Variants in MAGI1 observed in about 807,000 individuals in gnomAD.
MAGI1 encodes membrane-associated guanylate kinase, WW and PDZ domain-containing protein 1.
MAGI1 carries 58 observed loss-of-function variants against 139.9 expected under a neutral mutation model. The ratio of observed to expected loss-of-function variants is 0.41; its 90% confidence interval spans 0.34 to 0.52. The LOEUF is 0.52. Ranked by LOEUF, MAGI1 falls within the 20% of genes least tolerant of loss-of-function variation. The probability of loss-of-function intolerance (pLI) is 0.12; values close to 1 mark genes in which losing one functional copy is unlikely to be tolerated. For synonymous variants in MAGI1, 812 were observed against 737.9 expected, an observed-to-expected ratio of 1.10 and a Z score of -1.63; for missense variants, 1,874 against 1,901.6, an observed-to-expected ratio of 0.99 and a Z score of 0.27.
chr3:65,534,065 G>A (rs914950092), intron 2 of MAGI1, among the ~76,000 whole-genome samples: 6 of 152,178 alleles, frequency 3.9e-5, no homozygotes, highest in Admixed American at 2.0e-4. Flanking sequence ...AACTACCTAA[G>A]CCAGATTATG....
chr3:65,982,701 G>A (rs977897753), intron 1 of MAGI1, among the ~76,000 whole-genome samples: 4 of 151,978 alleles, frequency 2.6e-5, no homozygotes, highest in Admixed American at 6.6e-5. Context: ...GTGTAACATC[G>A]TAATGATTGT....
intron 12 of MAGI1, among the ~76,000 whole-genome samples, chr3:65,410,249 A>C (rs1945683860): frequency 6.6e-6 from 1 of 152,202 alleles, no homozygotes; most frequent in East Asian, 1.9e-4. Context: ...TAAAGGTTGA[A>C]AGCTTAGTGC....
At chr3:65,702,959 C>T (rs1237222248) in intron 1 of MAGI1, among the ~76,000 whole-genome samples, 1 of 151,876 alleles carries the variant, frequency 6.6e-6, no homozygotes, top group Non-Finnish European at 1.5e-5. Flanking sequence ...AGGACTACCC[C>T]CTGCTGAGAA....
At chr3:65,710,376 G>C (rs1191890495) in intron 1 of MAGI1, among the ~76,000 whole-genome samples, 1 of 146,386 alleles carries the variant, frequency 6.8e-6, no homozygotes, top group South Asian at 2.1e-4. Context: ...CGCCTCCCAG[G>C]TTCAAGCAAT....
rs377372246 is a variant in MAGI1, at chr3:65,695,823, G to C, written c.314-73735C>G. ...GTCCCAGTCAACATCCAGGACACTGGGAAAGGCCTCTGTGGTTGATTTGTG... is the reference window on the plus strand; with the variant it reads ...GTCCCAGTCAACATCCAGGACACTGCGAAAGGCCTCTGTGGTTGATTTGTG... On this transcript the variant is annotated intron_variant, in intron 1 of 22. Coordinates refer to ENST00000402939, the MANE Select transcript of MAGI1 (RefSeq NM_001033057.2). Among the ~76,000 whole-genome samples the C allele has an allele frequency of 1.4e-4, 21 of 152,288 alleles. No homozygotes were observed. The South Asian group carries it at 4.2e-3, about 30-fold the overall frequency.
chr3:65,714,165 G>A (rs964920684), intron 1 of MAGI1, among the ~76,000 whole-genome samples: 5 of 152,234 alleles, frequency 3.3e-5, no homozygotes, highest in Admixed American at 3.3e-4. Context: ...ATACACAGAC[G>A]TTCCGTAACT....
chr3:65,711,813 C>G (rs1416117487), intron 1 of MAGI1, among the ~76,000 whole-genome samples: 1 of 152,180 alleles, frequency 6.6e-6, no homozygotes, highest in Non-Finnish European at 1.5e-5. Context: ...TCTGGGACTT[C>G]TAGCCTCCAG....
At chr3:65,995,910 A>C (rs13317005) in intron 1 of MAGI1, among the ~76,000 whole-genome samples, 1,722 of 152,156 alleles carry the variant, frequency 0.011, 31 homozygotes, top group African/African-American at 0.039. Flanking sequence ...AGGCAGGAGG[A>C]TCTCTTGAGC....
At chr3:65,489,163 G>T (rs1951821998) in intron 3 of MAGI1, among the ~76,000 whole-genome samples, 2 of 152,088 alleles carry the variant, frequency 1.3e-5, no homozygotes, top group African/African-American at 4.8e-5. Context: ...TACCTCATAG[G>T]CTTGTTAGGA....
intron 1 of MAGI1, among the ~76,000 whole-genome samples, chr3:65,919,943 T>C (rs2062094184): frequency 6.6e-6 from 1 of 152,178 alleles, no homozygotes; most frequent in Non-Finnish European, 1.5e-5. Flanking sequence ...CAACTTAAGA[T>C]TCCTGGAAAC....
At chr3:66,003,198 G>A (rs181743800) in intron 1 of MAGI1, among the ~76,000 whole-genome samples, 30 of 152,216 alleles carry the variant, frequency 2.0e-4, no homozygotes, top group Admixed American at 2.0e-3. Context: ...CAGAGTCACA[G>A]GGGCAGCCAT....
chr3:65,485,756 G>C (rs1192631492), intron 3 of MAGI1, among the ~76,000 whole-genome samples: 2 of 152,124 alleles, frequency 1.3e-5, no homozygotes, highest in African/African-American at 4.8e-5. Context: ...AGAAAAAAAG[G>C]CATCAATATT....
chr3:65,516,064 G>T (rs1330698650), intron 2 of MAGI1, among the ~76,000 whole-genome samples: 1 of 152,172 alleles, frequency 6.6e-6, no homozygotes, highest in African/African-American at 2.4e-5. Context: ...AATAAGCTGG[G>T]TGCAGTGGCA....
rs1225140249 is a variant in MAGI1, at chr3:65,991,318, A to AT, written c.313+46677_313+46678insA. Among the ~76,000 whole-genome samples, 1,287 of 151,664 alleles carry AT rather than the reference A, an allele frequency of 8.5e-3. 13 individuals are homozygous for AT. The highest frequency in any genetic ancestry group is 0.024 in the Middle Eastern group (7 of 294). Reference sequence around the variant, plus strand: ...AAAAAAAAAAAAGGTAAAAAAAAAAAAAAAAGAAAGTTAATGATACTGTAA... The same window carrying AT: ...AAAAAAAAAAAAGGTAAAAAAAAAAATAAAAAGAAAGTTAATGATACTGTAA... On this transcript the variant is annotated intron_variant, in intron 1 of 22. Coordinates refer to ENST00000402939, the MANE Select transcript of MAGI1 (RefSeq NM_001033057.2).
At chr3:65,952,441 A>G (rs1406309436) in intron 1 of MAGI1, among the ~76,000 whole-genome samples, 1 of 152,204 alleles carries the variant, frequency 6.6e-6, no homozygotes, top group Non-Finnish European at 1.5e-5. Flanking sequence ...AAAAGAAAAG[A>G]GCACCTTAAC....
At chr3:65,494,564 C>A (rs60869248) in intron 2 of MAGI1, among the ~76,000 whole-genome samples, 46,366 of 152,152 alleles carry the variant, frequency 0.3, 8,659 homozygotes, top group East Asian at 0.73. Context: ...AAAAATGTGA[C>A]TTCTGCTGTT....
At chr3:65,603,447 T>G (rs1475169996) in intron 2 of MAGI1, among the ~76,000 whole-genome samples, 1 of 152,208 alleles carries the variant, frequency 6.6e-6, no homozygotes, top group Non-Finnish European at 1.5e-5. Context: ...TAATAAAAAT[T>G]TGACAATTAT....
intron 13 of MAGI1, among the ~76,000 whole-genome samples, chr3:65,393,258 T>C (rs760734156): frequency 4.6e-5 from 7 of 152,184 alleles, no homozygotes; most frequent in African/African-American, 1.4e-4. Flanking sequence ...GTTGCTTTTT[T>C]TCCCCCCCTC....
intron 2 of MAGI1, among the ~76,000 whole-genome samples, chr3:65,508,141 C>T (rs376345717): frequency 4.6e-5 from 7 of 152,150 alleles, no homozygotes; most frequent in East Asian, 1.9e-4. Flanking sequence ...CGGTGGCTCA[C>T]GCCTGTAATC....
Sources: allele counts gnomAD v4.1 joint callset (sites outside exome capture counted in the v4.1 genomes callset), GRCh38; gene constraint gnomAD v4.1.1; transcripts MANE v1.5; gene names NCBI Gene and HGNC (gene_info 2026-07-23, HGNC 2026-07-21).